Variants in AACS observed in about 807,000 individuals in gnomAD.
The protein encoded by AACS is acetoacetate-CoA ligase.
A neutral mutation model predicts 83.1 loss-of-function variants in AACS; 69 were observed. The ratio of observed to expected loss-of-function variants is 0.83; its 90% confidence interval spans 0.68 to 1.01. The LOEUF (loss-of-function observed/expected upper bound fraction) is 1.01, where lower values mean the gene tolerates loss of function less well. AACS is among the 50% of genes least tolerant of loss of function. The pLI is 0.00. For missense variants in AACS, 866 were observed against 882.2 expected (o/e 0.98, Z 0.23); for synonymous variants, 333 against 343.4 (o/e 0.97, Z 0.33).
chr12:125,136,136 A>G (rs117033080), intron 16 of AACS: 2,522 of 146,326 alleles, frequency 0.017, 26 homozygotes, highest in Non-Finnish European at 0.027. Context: ...TGTAGCCTCG[A>G]CCTCCTGGGC....
At chr12:125,069,489 C>T (rs1955801019) in intron 1 of AACS, among the ~76,000 whole-genome samples, 1 of 152,224 alleles carries the variant, frequency 6.6e-6, no homozygotes, top group Non-Finnish European at 1.5e-5. Flanking sequence ...CTGCTTCCAG[C>T]TGAAGCCACC....
At chr12:125,107,401 CT>C in intron 8 of AACS, 133 bp downstream of exon 8, 1 of 1,242,860 alleles carries the variant, frequency 8.0e-7, no homozygotes, top group South Asian at 1.4e-5. Context: ...TGCAGCTTCT[CT>C]CCAAGTGGGG....
intron 14 of AACS, among the ~76,000 whole-genome samples, chr12:125,133,399 C>T (rs139041763): frequency 5.3e-5 from 8 of 152,346 alleles, no homozygotes; most frequent in East Asian, 1.9e-4. Flanking sequence ...AGGCCACTCA[C>T]GTGGCCTGCT....
chr12:125,066,698 C>T (rs112965755), intron 1 of AACS, among the ~76,000 whole-genome samples: 2 of 152,164 alleles, frequency 1.3e-5, no homozygotes, highest in African/African-American at 4.8e-5. Context: ...ATCCGATCGC[C>T]TTGGCCTCCC....
chr12:125,128,361 T>G, intron 13 of AACS, 87 bp downstream of exon 13: 6 of 1,223,570 alleles, frequency 4.9e-6, no homozygotes, highest in Non-Finnish European at 6.8e-6. Context: ...TGCTTGGACA[T>G]AGTTCTCCAA....
chr12:125,132,066 A>G (rs951282372), intron 14 of AACS, among the ~76,000 whole-genome samples: 4 of 152,186 alleles, frequency 2.6e-5, no homozygotes, highest in Admixed American at 1.3e-4. Context: ...TCGAAGCTTA[A>G]GTCAGTGCCT....
rs542424938 is a variant in AACS at position 125,129,009 on chromosome 12, A to G, written c.1424-326A>G. The G allele has an allele frequency of 5.4e-4, 101 of 186,188 alleles. 1 individual carries two copies. The South Asian group carries it at 8.0e-3, about 15-fold the overall frequency. 11.5% of individuals were successfully genotyped at this position (186,188 alleles called of 1,614,324 possible). A position where few individuals can be genotyped will look rare whatever the true frequency, so the allele number is the denominator to read the frequency against. On this transcript the variant is annotated intron_variant, in intron 13 of 17. Coordinates refer to ENST00000316519, the MANE Select transcript of AACS (RefSeq NM_023928.5). The surrounding 1 kb of genome is among the most constrained non-coding windows in gnomAD (Gnocchi z 4.3). Reference sequence around the variant, plus strand: ...GAAGATGCGGGACACATAGAAGGACAGCGTGTATGTGTTCAAAGGCATGCA... The same window carrying G: ...GAAGATGCGGGACACATAGAAGGACGGCGTGTATGTGTTCAAAGGCATGCA...
rs78699632 is a variant in AACS at position 125,129,657 on chromosome 12, G to A, written c.1549+197G>A. On this transcript the variant is annotated intron_variant, in intron 14 of 17. Transcript: ENST00000316519. The surrounding 1 kb of genome is among the most constrained non-coding windows in gnomAD (Gnocchi z 4.3). ...TTGTTGTCTTCAGCTTGAAGCTATC[G>A]TGTGCAACTGCAATCTGGTTTAGTT... Among the ~76,000 whole-genome samples the A allele has an allele frequency of 7.9e-3, 1,205 of 152,198 alleles. 18 individuals are homozygous for A. The highest frequency in any genetic ancestry group is 0.028 in the African/African-American group (1,144 of 41,490).
Position 125,094,082 on chromosome 12 carries a change from G to C in AACS, c.570+2559G>C, listed in dbSNP as rs1956551351. On this transcript the variant is annotated intron_variant, in intron 5 of 17. Transcript: ENST00000316519. The surrounding 1 kb of genome is among the most constrained non-coding windows in gnomAD (Gnocchi z 4.1). ...CCCTCTATTTACCATCCTTGTTCAG[G>C]GGCTAAAACTAACAGGGATGAATTC... Among the ~76,000 whole-genome samples the C allele has an allele frequency of 6.6e-6, 1 of 152,178 alleles. No homozygotes were observed. Among genetic ancestry groups the C allele is most frequent in the Non-Finnish European group, 1.5e-5 (1 of 68,018 alleles).
At chr12:125,071,288 C>T (rs1340900744) in intron 1 of AACS, among the ~76,000 whole-genome samples, 1 of 152,202 alleles carries the variant, frequency 6.6e-6, no homozygotes, top group African/African-American at 2.4e-5. Context: ...CGTTTGGCCA[C>T]TTCCACAATA....
At chr12:125,068,468 A>G (rs968127315) in intron 1 of AACS, among the ~76,000 whole-genome samples, 1 of 152,110 alleles carries the variant, frequency 6.6e-6, no homozygotes, top group South Asian at 2.1e-4. Context: ...CAAATAAATA[A>G]AAGTTGGGAG....
intron 10 of AACS, chr12:125,120,573 C>T (rs766852683): frequency 6.6e-5 from 10 of 152,112 alleles, no homozygotes; most frequent in Non-Finnish European, 1.3e-4. Flanking sequence ...AGAATCTTTA[C>T]CCTTTTACCC....
chr12:125,103,712 G>A (rs939138297), intron 7 of AACS, among the ~76,000 whole-genome samples: 50 of 152,268 alleles, frequency 3.3e-4, no homozygotes, highest in Admixed American at 3.3e-4. Flanking sequence ...TTTTTGGCCA[G>A]GCATGGTGGC....
At chr12:125,078,591 C>G (rs71458892) in intron 3 of AACS, among the ~76,000 whole-genome samples, 7 of 152,106 alleles carry the variant, frequency 4.6e-5, no homozygotes, top group Admixed American at 4.6e-4. Flanking sequence ...GAGGCTGAGG[C>G]GGGCAGATCA....
At chr12:125,123,319 G>C (rs1025491160) in intron 10 of AACS, 1 of 152,218 alleles carries the variant, frequency 6.6e-6, no homozygotes, top group African/African-American at 2.4e-5. Flanking sequence ...AGTGATACTT[G>C]CAAAGGAAGT....
chr12:125,071,119 C>T (rs1018791686), intron 1 of AACS, among the ~76,000 whole-genome samples: 5 of 152,144 alleles, frequency 3.3e-5, no homozygotes, highest in Admixed American at 2.6e-4. Flanking sequence ...ACTCACATGG[C>T]GGTAAGTTAG....
At position 125,065,559 on chromosome 12, in the gene AACS, C is replaced by G. The variant is rs928842441; in HGVS notation, c.-26C>G. 5 of 1,490,666 alleles carry G rather than the reference C, an allele frequency of 3.4e-6. No homozygotes were observed. Among genetic ancestry groups the G allele is most frequent in the Non-Finnish European group, 2.7e-6 (3 of 1,119,442 alleles). 92.3% of individuals were successfully genotyped at this position (1,490,666 alleles called of 1,614,324 possible). On this transcript the variant is annotated 5_prime_UTR_variant, in exon 1 of 18. Transcript: ENST00000316519. ...CCGGCCCCTGGTCCCCAGCCCTCGT[C>G]GCAGCCCCGGCCGCCCGCCGCCGCC...
In AACS at chr12:125,118,689, G is replaced by A; in HGVS notation, c.1045G>A (p.Ala349Thr). Residue 349 changes from alanine to threonine, a missense_variant, in exon 10 of 18, where the codon GCG becomes ACG. Ala to Thr is a moderately conservative substitution (Grantham distance 58, BLOSUM62 0). Coordinates refer to ENST00000316519, the MANE Select transcript of AACS (RefSeq NM_023928.5). ...GATGGTGTCCCTTCTGGCCACAGGA[G>A]CGGCCATGGTCTTGTACGATGGCTC... ...NWMVSLLATGAAMVLYDGSPL... is the reference protein window; with the variant it reads ...NWMVSLLATGTAMVLYDGSPL... 6.2e-7 allele frequency: 1 copy of A among 1,614,160 alleles called. No individual in the cohort carries two copies. Among genetic ancestry groups the A allele is most frequent in the Non-Finnish European group, 8.5e-7 (1 of 1,180,010 alleles).
Position 125,115,016 on chromosome 12 carries a change from A to G in AACS, c.996+459A>G, listed in dbSNP as rs553109113. 1.9e-3 allele frequency among the ~76,000 whole-genome samples: 292 copies of G among 152,264 alleles called. 2 individuals carry two copies. The highest frequency in any genetic ancestry group is 6.5e-3 in the African/African-American group (271 of 41,564). On this transcript the variant is annotated intron_variant, in intron 9 of 17. Coordinates refer to ENST00000316519, the MANE Select transcript of AACS (RefSeq NM_023928.5). ...GCTGCACTGTGGTGAGGGCTTCCCC[A>G]GCGCACGGTGTCGAGTTGGGCCCGC...
Sources: gnomAD v4.1 joint callset for allele counts (sites outside exome capture counted in the v4.1 genomes callset) on GRCh38, gnomAD v4.1.1 for gene constraint, Gnocchi (gnomAD v3.1) non-coding constraint, MANE v1.5 for transcripts, NCBI Gene and HGNC (gene_info 2026-07-23, HGNC 2026-07-21) for gene names.